The following KCNC2 variants were observed in gnomAD, a reference collection of about 807,000 sequenced individuals.
KCNC2 encodes the protein voltage-gated potassium channel KCNC2.
KCNC2 carries 21 observed loss-of-function variants against 44.5 expected under a neutral mutation model. The ratio of observed to expected loss-of-function variants is 0.47; its 90% CI spans 0.33 to 0.68. The LOEUF is 0.68. Ranked by LOEUF, KCNC2 falls within the 30% of genes least tolerant of loss-of-function variation. The probability of loss-of-function intolerance (pLI) is 0.01; values close to 1 mark genes in which losing one functional copy is unlikely to be tolerated. For synonymous variants in KCNC2, 391 were observed against 339.1 expected (o/e 1.15, Z -1.68); for missense variants, 589 against 826.2 (o/e 0.71, Z 3.52).
At chr12:75,067,175 C>T (rs1204373844) in intron 2 of KCNC2, among the ~76,000 whole-genome samples, 1 of 152,052 alleles carries the variant, frequency 6.6e-6, no homozygotes, top group Non-Finnish European at 1.5e-5. Context: ...GCATTCCAGT[C>T]TGGGTGACAG....
chr12:75,107,385 T>C (rs954511311), intron 2 of KCNC2, among the ~76,000 whole-genome samples: 1 of 152,032 alleles, frequency 6.6e-6, no homozygotes, highest in Non-Finnish European at 1.5e-5. Flanking sequence ...GCATAATTGC[T>C]AATTATAACA....
At chr12:75,093,200 T>C (rs1885636321) in intron 2 of KCNC2, among the ~76,000 whole-genome samples, 1 of 151,652 alleles carries the variant, frequency 6.6e-6, no homozygotes, top group Non-Finnish European at 1.5e-5. Context: ...CATATTCAAA[T>C]AGAATGGCAA....
intron 2 of KCNC2, among the ~76,000 whole-genome samples, chr12:75,187,542 G>A (rs560996236): frequency 6.6e-5 from 10 of 152,262 alleles, no homozygotes; most frequent in South Asian, 4.1e-4. Flanking sequence ...TTACAGTAGC[G>A]CAGGCTGGCA....
intron 3 of KCNC2, among the ~76,000 whole-genome samples, chr12:75,048,622 T>C (rs1880814355): frequency 6.6e-6 from 1 of 152,116 alleles, no homozygotes; most frequent in African/African-American, 2.4e-5. Context: ...TGAAGAAGCA[T>C]GTGGATTATT....
intron 4 of KCNC2, chr12:75,043,480 T>C: frequency 7.7e-7 from 1 of 1,296,382 alleles, no homozygotes; most frequent in Non-Finnish European, 9.9e-7. Context: ...AATATATTTT[T>C]TCCCAGATTA....
intron 2 of KCNC2, among the ~76,000 whole-genome samples, chr12:75,138,823 T>C (rs1592949585): frequency 6.6e-6 from 1 of 150,890 alleles, no homozygotes; most frequent in African/African-American, 2.4e-5. Context: ...TACTAAAAAA[T>C]ACAAAAAATT....
intron 2 of KCNC2, among the ~76,000 whole-genome samples, chr12:75,087,914 T>C (rs1885158178): frequency 6.6e-6 from 1 of 152,028 alleles, no homozygotes; most frequent in South Asian, 2.1e-4. Context: ...CCCCCAGTAC[T>C]GTACCCTTCC....
chr12:75,156,332 A>G (rs1890757484), intron 2 of KCNC2, among the ~76,000 whole-genome samples: 1 of 151,836 alleles, frequency 6.6e-6, no homozygotes, highest in East Asian at 1.9e-4. Context: ...ATTTTATGAC[A>G]CAGAAAAAGG....
intron 4 of KCNC2, chr12:75,043,834 G>T: frequency 8.4e-7 from 1 of 1,194,878 alleles, no homozygotes; most frequent in Non-Finnish European, 1.1e-6. Flanking sequence ...AAAAGTAAAG[G>T]AAAAAAAAAG....
intron 2 of KCNC2, among the ~76,000 whole-genome samples, chr12:75,130,782 A>AAT (rs11432535): frequency 2.3e-5 from 2 of 86,368 alleles, no homozygotes; most frequent in African/African-American, 1.9e-4. Context: ...TCCTAGTAAT[A>AAT]AAAAAAAAAA....
chr12:75,129,706 C>CAA (rs142395611), intron 2 of KCNC2, among the ~76,000 whole-genome samples: 180 of 148,434 alleles, frequency 1.2e-3, no homozygotes, highest in African/African-American at 3.9e-3. Context: ...GGATATCACG[C>CAA]AAAAAAAAAT....
At chr12:75,191,112 G>A (rs1252413498) in intron 2 of KCNC2, among the ~76,000 whole-genome samples, 2 of 152,008 alleles carry the variant, frequency 1.3e-5, no homozygotes, top group Non-Finnish European at 1.5e-5. Flanking sequence ...ACCAGGCATA[G>A]AATATTTAGG....
intron 2 of KCNC2, among the ~76,000 whole-genome samples, chr12:75,082,738 T>G (rs917586492): frequency 6.6e-6 from 1 of 151,846 alleles, no homozygotes; most frequent in South Asian, 2.1e-4. Context: ...AAATATTTAA[T>G]GATATGAAAA....
In KCNC2 at chr12:75,207,040, C is replaced by T. The variant is rs1261003220; in HGVS notation, c.687+257G>A. On this transcript the variant is annotated intron_variant, in intron 2 of 4. Transcript: ENST00000549446. This position sits in a 1 kb window ranked among gnomAD's most constrained non-coding sequence, Gnocchi z 4.1. ...CGTGCACAGAAAAGTCGACATTGGC[C>T]CTCTAGGTCCCATCTGCTAAAGCAA... Among the ~76,000 whole-genome samples the T allele has an allele frequency of 1.3e-5, 2 of 152,144 alleles. No homozygotes were observed. Among genetic ancestry groups the T allele is most frequent in the Non-Finnish European group, 2.9e-5 (2 of 68,040 alleles).
chr12:75,156,418 T>C (rs1890763664), intron 2 of KCNC2, among the ~76,000 whole-genome samples: 2 of 151,812 alleles, frequency 1.3e-5, no homozygotes, highest in Admixed American at 1.3e-4. Flanking sequence ...CGCTCATTCT[T>C]TTACATAATG....
chr12:75,067,782 C>T (rs1316302954), intron 2 of KCNC2, among the ~76,000 whole-genome samples: 1 of 152,054 alleles, frequency 6.6e-6, no homozygotes, highest in Non-Finnish European at 1.5e-5. Context: ...TCAGTGTTTA[C>T]CTGCCTCCTT....
chr12:75,159,845 C>G, intron 2 of KCNC2, among the ~76,000 whole-genome samples: 1 of 151,786 alleles, frequency 6.6e-6, no homozygotes, highest in Non-Finnish European at 1.5e-5. Flanking sequence ...TGTAGTTCAG[C>G]CAAGTTTGCA....
chr12:75,114,933 G>C (rs1294781359), intron 2 of KCNC2, among the ~76,000 whole-genome samples: 3 of 139,164 alleles, frequency 2.2e-5, no homozygotes, highest in African/African-American at 8.1e-5. Flanking sequence ...GCGCGATCTC[G>C]GCTCACTGCA....
chr12:75,192,785 G>A (rs537696053), intron 2 of KCNC2, among the ~76,000 whole-genome samples: 143 of 152,148 alleles, frequency 9.4e-4, no homozygotes, highest in Non-Finnish European at 1.7e-3. Flanking sequence ...TTGTAGGCAA[G>A]GAAAATCACA....
Sources: allele counts gnomAD v4.1 joint callset (sites outside exome capture counted in the v4.1 genomes callset), GRCh38; gene constraint gnomAD v4.1.1; non-coding constraint Gnocchi (gnomAD v3.1); transcripts MANE v1.5; gene names NCBI Gene and HGNC (gene_info 2026-07-23, HGNC 2026-07-21).